TMEM232: variants seen among roughly 807,000 people sequenced by gnomAD.
TMEM232 encodes the protein transmembrane protein 232.
In TMEM232, 80 loss-of-function variants were observed where a neutral mutation model predicts 78.8. The ratio of observed to expected loss-of-function variants is 1.01; its 90% confidence interval spans 0.85 to 1.22. The LOEUF (loss-of-function observed/expected upper bound fraction) is 1.22, where lower values mean the gene tolerates loss of function less well. Among genes scored for constraint, TMEM232 ranks in the 50% most tolerant of loss-of-function variants. The pLI is 0.00. For synonymous variants in TMEM232, 297 were observed against 254.3 expected, an observed-to-expected ratio of 1.17 and a Z score of -1.60; for missense variants, 881 against 742.2, an observed-to-expected ratio of 1.19 and a Z score of -2.17.
Position 110,526,246 on chromosome 5 carries a change from C to T in TMEM232, c.1703+2342G>A, listed in dbSNP as rs181484949. Among the ~76,000 whole-genome samples the T allele has an allele frequency of 5.6e-3, 832 of 148,642 alleles. 9 individuals are homozygous for T. Among genetic ancestry groups the T allele is most frequent in the Middle Eastern group, 7.0e-3 (2 of 286 alleles). ...TCTATTACAAAGAAAAATGACTATACGGCAAAAAAATGCTATAAGCAAAAT... is the reference window on the plus strand; with the variant it reads ...TCTATTACAAAGAAAAATGACTATATGGCAAAAAAATGCTATAAGCAAAAT... On this transcript the variant is annotated intron_variant, in intron 12 of 13. Coordinates refer to ENST00000455884, the MANE Select transcript of TMEM232 (RefSeq NM_001039763.4).
chr5:110,549,335 C>A (rs1306880487), intron 11 of TMEM232, among the ~76,000 whole-genome samples: 4 of 151,804 alleles, frequency 2.6e-5, no homozygotes, highest in African/African-American at 7.3e-5. Context: ...GACTGAGAGG[C>A]CAAGCAGAGT....
intron 10 of TMEM232, among the ~76,000 whole-genome samples, chr5:110,569,423 G>A (rs1581245634): frequency 6.6e-6 from 1 of 151,680 alleles, no homozygotes; most frequent in Non-Finnish European, 1.5e-5. Flanking sequence ...TAAATTTGGG[G>A]AATAAAATAA....
At chr5:110,487,962 T>C (rs1387234160) in intron 12 of TMEM232, among the ~76,000 whole-genome samples, 1 of 152,132 alleles carries the variant, frequency 6.6e-6, no homozygotes, top group Non-Finnish European at 1.5e-5. Flanking sequence ...GAATGTCTGG[T>C]AGAATTCTGC....
At chr5:110,672,860 A>G (rs1338366895) in intron 1 of TMEM232, among the ~76,000 whole-genome samples, 5 of 152,138 alleles carry the variant, frequency 3.3e-5, no homozygotes, top group East Asian at 3.8e-4. Flanking sequence ...TGCATGTACA[A>G]TAAGACCACA....
intron 12 of TMEM232, among the ~76,000 whole-genome samples, chr5:110,490,274 T>C (rs73220774): frequency 0.038 from 5,789 of 152,242 alleles, 381 homozygotes; most frequent in African/African-American, 0.13. Context: ...CAATTTGCCA[T>C]AGTATCAAAA....
chr5:110,625,225 GC>G, intron 7 of TMEM232, 41 bp downstream of exon 7: 1 of 1,431,608 alleles, frequency 7.0e-7, no homozygotes, highest in Non-Finnish European at 9.2e-7. Context: ...GATATCTGAT[GC>G]ATCAGGCAAC....
In TMEM232 at chr5:110,731,964, C is replaced by T. The variant is rs545659184; in HGVS notation, c.-13+2939G>A. On this transcript the variant is annotated intron_variant, in intron 2 of 4. Transcript: ENST00000512886. ...TCTGTTTCCCTTTTAAAATTGAATG[C>T]TTTTAACAGCACCCAAGTCACCTTT... Among the ~76,000 whole-genome samples, 9 of 152,292 alleles carry T rather than the reference C, an allele frequency of 5.9e-5. No individual in the cohort carries two copies. In the East Asian group the frequency reaches 1.7e-3, roughly 29 times the overall value.
At chr5:110,478,137 C>T (rs910043438) in intron 12 of TMEM232, among the ~76,000 whole-genome samples, 2 of 151,902 alleles carry the variant, frequency 1.3e-5, no homozygotes, top group African/African-American at 4.8e-5. Flanking sequence ...CTGTCTGTAT[C>T]CCACGCTATG....
upstream of TMEM232, among the ~76,000 whole-genome samples, chr5:110,730,226 C>T (rs1285814969): frequency 6.6e-6 from 1 of 152,172 alleles, no homozygotes; most frequent in Non-Finnish European, 1.5e-5. Context: ...CATAATACTG[C>T]AATTACCTTC....
At chr5:110,482,052 AATC>A (rs1231343350) in intron 12 of TMEM232, among the ~76,000 whole-genome samples, 1 of 152,136 alleles carries the variant, frequency 6.6e-6, no homozygotes, top group Non-Finnish European at 1.5e-5. Flanking sequence ...TTAAACCAAG[AATC>A]ATAATATATT....
At chr5:110,687,680 C>A (rs1325132621) in intron 1 of TMEM232, among the ~76,000 whole-genome samples, 1 of 152,056 alleles carries the variant, frequency 6.6e-6, no homozygotes, top group African/African-American at 2.4e-5. Context: ...TTTTCTCTTT[C>A]TCTTTCTCTT....
At chr5:110,399,156 CAAAG>C (rs1037085082) in intron 2 of TMEM232, among the ~76,000 whole-genome samples, 1 of 151,976 alleles carries the variant, frequency 6.6e-6, no homozygotes, top group Admixed American at 6.6e-5. Flanking sequence ...TTACACAGCA[CAAAG>C]AAAGAGAGGA....
intron 10 of TMEM232, among the ~76,000 whole-genome samples, chr5:110,602,041 G>C (rs919223348): frequency 2.0e-5 from 3 of 152,076 alleles, no homozygotes; most frequent in Non-Finnish European, 4.4e-5. Context: ...AACAAGCAAT[G>C]GGGAAAGGAT....
At chr5:110,565,142 T>C (rs1776195918) in intron 11 of TMEM232, among the ~76,000 whole-genome samples, 1 of 152,038 alleles carries the variant, frequency 6.6e-6, no homozygotes, top group Non-Finnish European at 1.5e-5. Context: ...TAAAAGCAAA[T>C]GTTCTCCTCT....
intron 12 of TMEM232, among the ~76,000 whole-genome samples, chr5:110,469,202 G>A (rs1762404349): frequency 6.6e-6 from 1 of 152,160 alleles, no homozygotes; most frequent in Non-Finnish European, 1.5e-5. Flanking sequence ...TCAGTGGCCT[G>A]CAGAGCTTTT....
At chr5:110,504,213 A>G (rs954102649) in intron 12 of TMEM232, among the ~76,000 whole-genome samples, 1 of 152,190 alleles carries the variant, frequency 6.6e-6, no homozygotes, top group African/African-American at 2.4e-5. Flanking sequence ...ACAATCCTCT[A>G]TTAAAACTCT....
intron 12 of TMEM232, among the ~76,000 whole-genome samples, chr5:110,518,103 C>T (rs1422418298): frequency 2.0e-5 from 3 of 149,090 alleles, no homozygotes; most frequent in African/African-American, 5.1e-5. Flanking sequence ...GCTATTTTTT[C>T]ACATATTTCC....
chr5:110,584,456 C>T (rs1778571241), intron 10 of TMEM232, among the ~76,000 whole-genome samples: 1 of 151,958 alleles, frequency 6.6e-6, no homozygotes, highest in South Asian at 2.1e-4. Context: ...AGTTAAGCTG[C>T]CCGAGGCAAA....
downstream of TMEM232, among the ~76,000 whole-genome samples, chr5:110,416,794 T>G (rs771296353): frequency 7.2e-5 from 11 of 152,198 alleles, no homozygotes; most frequent in African/African-American, 1.7e-4. Context: ...CTGTTACCTC[T>G]TTATGCTCCC....
Sources: gnomAD v4.1 joint callset for allele counts (sites outside exome capture counted in the v4.1 genomes callset) on GRCh38, gnomAD v4.1.1 for gene constraint, MANE v1.5 for transcripts, NCBI Gene and HGNC (gene_info 2026-07-23, HGNC 2026-07-21) for gene names.